Variants in CPE observed in about 807,000 individuals in gnomAD.
CPE encodes carbocypeptidase E.
CPE carries 17 observed loss-of-function variants against 53.5 expected under a neutral mutation model. The observed-to-expected ratio is 0.32, with a 90% CI of 0.22 to 0.48. The LOEUF (loss-of-function observed/expected upper bound fraction) is 0.48, where lower values mean the gene tolerates loss of function less well. CPE is among the 20% of genes least tolerant of loss of function. CPE has a pLI of 0.99. For missense variants in CPE, 524 were observed against 614.7 expected (o/e 0.85, Z 1.56); for synonymous variants, 226 against 228.8 (o/e 0.99, Z 0.11).
rs182224943 is a variant in CPE, at chr4:165,425,156, G to A, written c.308-39234G>A. Among the ~76,000 whole-genome samples the A allele has an allele frequency of 5.3e-5, 8 of 152,228 alleles. No individual in the cohort carries two copies. The East Asian group carries it at 1.5e-3, about 29-fold the overall frequency. ...ACCTCCCAAAGTGCTGAGATTACCA[G>A]TGTGAGCTACTGTGCCAGGCGGAAA... On this transcript the variant is annotated intron_variant, in intron 1 of 8. Transcript: ENST00000402744.
At chr4:165,392,667 T>C (rs28502430) in intron 1 of CPE, among the ~76,000 whole-genome samples, 92 of 147,302 alleles carry the variant, frequency 6.2e-4, no homozygotes, top group African/African-American at 2.2e-3. Flanking sequence ...ACATATTTTA[T>C]TATATTTATA....
In CPE at chr4:165,484,813, A is replaced by T. The variant is rs145143773; in HGVS notation, c.973+209A>T. 5.8e-3 allele frequency among the ~76,000 whole-genome samples: 877 copies of T among 152,318 alleles called. 7 individuals carry two copies. The highest frequency in any genetic ancestry group is 0.02 in the African/African-American group (840 of 41,566). On this transcript the variant is annotated intron_variant, in intron 5 of 8. Coordinates refer to ENST00000402744, the MANE Select transcript of CPE (RefSeq NM_001873.4). Reference sequence around the variant, plus strand: ...GTTTTTGTGGATTTTAAAAATTGTGATGCTAATTGAAGAGATACAGGAAAT... The same window carrying T: ...GTTTTTGTGGATTTTAAAAATTGTGTTGCTAATTGAAGAGATACAGGAAAT...
intron 1 of CPE, among the ~76,000 whole-genome samples, chr4:165,393,523 G>C (rs945261540): frequency 6.6e-6 from 1 of 152,128 alleles, no homozygotes; most frequent in African/African-American, 2.4e-5. Context: ...AGATGATTAA[G>C]TTGAGCTTCA....
At position 165,390,221 on chromosome 4, in the gene CPE, A is replaced by G. The variant is rs17586229; in HGVS notation, c.307+10693A>G. On this transcript the variant is annotated intron_variant, in intron 1 of 8. Transcript: ENST00000402744. The stretch of plus-strand genomic sequence containing the variant: ...GCTTGGCATGTATATTTTGTCACCA[A>G]CTGGGTCTTATGTTAATGTTCCACC... Among the ~76,000 whole-genome samples, 1,352 of 152,262 alleles carry G rather than the reference A, an allele frequency of 8.9e-3. 12 individuals carry two copies. The highest frequency in any genetic ancestry group is 0.01 in the Admixed American group (154 of 15,290).
At chr4:165,482,630 G>T (rs750875502) in intron 4 of CPE, among the ~76,000 whole-genome samples, 2 of 152,168 alleles carry the variant, frequency 1.3e-5, no homozygotes, top group Non-Finnish European at 2.9e-5. Context: ...GAAAACACAC[G>T]TCATAAACTT....
intron 7 of CPE, 138 bp from the exon 8 acceptor site, chr4:165,495,421 T>C: frequency 1.6e-6 from 1 of 609,474 alleles, no homozygotes; most frequent in South Asian, 2.5e-5. Flanking sequence ...TTAAATTCCC[T>C]ATATATTTAC....
At chr4:165,459,674 T>TTGG (rs1553976460) in intron 1 of CPE, among the ~76,000 whole-genome samples, 18 of 56,688 alleles carry the variant, frequency 3.2e-4, no homozygotes, top group African/African-American at 1.1e-3. Flanking sequence ...GAGGGCTGGG[T>TTGG]GGGGGGGGGC....
chr4:165,409,369 A>G (rs1350218917), intron 1 of CPE, among the ~76,000 whole-genome samples: 1 of 152,024 alleles, frequency 6.6e-6, no homozygotes, highest in Non-Finnish European at 1.5e-5. Flanking sequence ...ATGCCTGGCT[A>G]ATCTTTGTAT....
chr4:165,493,352 C>A lies in CPE; in HGVS notation c.1213+82C>A, dbSNP rs561973521. ...TTATCATAATTATAAGTCTTATGTT[C>A]TTCTAAGCAAAACAAATAGCTCGTA... On this transcript the variant is annotated intron_variant, in intron 7 of 8. Transcript: ENST00000402744. 5.0e-6 allele frequency: 5 copies of A among 995,164 alleles called. No individual in the cohort carries two copies. The African/African-American group carries it at 8.3e-5, about 16-fold the overall frequency. The allele number at this position is 995,164 out of a possible 1,614,324, so 61.6% of individuals were successfully genotyped here. A position where few individuals can be genotyped will look rare whatever the true frequency, so the allele number is the denominator to read the frequency against.
At position 165,381,528 on chromosome 4, in the gene CPE, A is replaced by T. The variant is rs982294264; in HGVS notation, c.307+2000A>T. 2.3e-5 allele frequency: 7 copies of T among 311,092 alleles called. No homozygotes were observed. In the East Asian group the frequency reaches 6.0e-4, roughly 27 times the overall value. 19.3% of individuals were successfully genotyped at this position (311,092 alleles called of 1,614,324 possible). A position where few individuals can be genotyped will look rare whatever the true frequency, so the allele number is the denominator to read the frequency against. On this transcript the variant is annotated intron_variant, in intron 1 of 8. Coordinates refer to ENST00000402744, the MANE Select transcript of CPE (RefSeq NM_001873.4). Reference sequence around the variant, plus strand: ...GAGACAAACTCGGAAGTGTTGTACAATATGTACTTTACAATTCCTTTTTAA... The same window carrying T: ...GAGACAAACTCGGAAGTGTTGTACATTATGTACTTTACAATTCCTTTTTAA...
chr4:165,451,257 G>A (rs1392188344), intron 1 of CPE, among the ~76,000 whole-genome samples: 1 of 152,174 alleles, frequency 6.6e-6, no homozygotes, highest in Non-Finnish European at 1.5e-5. Flanking sequence ...TTTGGGTTCT[G>A]TAGCTTTTTG....
chr4:165,458,266 G>A (rs1560888198), intron 1 of CPE, among the ~76,000 whole-genome samples: 2 of 152,092 alleles, frequency 1.3e-5, no homozygotes, highest in Non-Finnish European at 2.9e-5. Flanking sequence ...CACTGCTTTT[G>A]TGCACATTTC....
intron 1 of CPE, among the ~76,000 whole-genome samples, chr4:165,458,626 T>C (rs568874737): frequency 1.3e-4 from 20 of 152,360 alleles, no homozygotes; most frequent in East Asian, 7.7e-4. Flanking sequence ...ACTTCTTACA[T>C]AGAATTTCAC....
At chr4:165,381,819 A>G (rs1730508569) in intron 1 of CPE, among the ~76,000 whole-genome samples, 1 of 152,260 alleles carries the variant, frequency 6.6e-6, no homozygotes, top group Admixed American at 6.5e-5. Flanking sequence ...AATGTTCACC[A>G]TTCTTAAATG....
intron 1 of CPE, among the ~76,000 whole-genome samples, chr4:165,427,591 A>T (rs1731343509): frequency 6.6e-6 from 1 of 152,134 alleles, no homozygotes; most frequent in Admixed American, 6.5e-5. Flanking sequence ...AAGAACCTAC[A>T]CATATTTTGC....
At chr4:165,481,018 T>TATATA (rs1560894846) in intron 3 of CPE, among the ~76,000 whole-genome samples, 13 of 115,300 alleles carry the variant, frequency 1.1e-4, no homozygotes, top group African/African-American at 4.6e-4. Flanking sequence ...ATATATATAT[T>TATATA]TTTTTTTTTT....
At chr4:165,449,021 C>T (rs1024772531) in intron 1 of CPE, among the ~76,000 whole-genome samples, 15 of 152,158 alleles carry the variant, frequency 9.9e-5, no homozygotes, top group Non-Finnish European at 1.5e-4. Flanking sequence ...TACTTCTTAG[C>T]GTGTGTTTGT....
intron 3 of CPE, among the ~76,000 whole-genome samples, chr4:165,471,051 G>A (rs1732196883): frequency 6.6e-6 from 1 of 152,160 alleles, no homozygotes; most frequent in Non-Finnish European, 1.5e-5. Flanking sequence ...GAAGGCAAGA[G>A]GAGACGAATT....
intron 1 of CPE, among the ~76,000 whole-genome samples, chr4:165,385,563 C>T (rs1366568928): frequency 4.0e-5 from 6 of 151,568 alleles, no homozygotes; most frequent in Admixed American, 6.6e-5. Context: ...CCTCCTCAGC[C>T]TCTTGAATAG....
Sources: gnomAD v4.1 joint callset for allele counts (sites outside exome capture counted in the v4.1 genomes callset) on GRCh38, gnomAD v4.1.1 for gene constraint, MANE v1.5 for transcripts, NCBI Gene and HGNC (gene_info 2026-07-23, HGNC 2026-07-21) for gene names.